Variants in WWTR1 observed in about 807,000 individuals in gnomAD.
WWTR1 encodes the protein WW domain-containing transcription regulator protein 1.
A neutral mutation model predicts 40.1 loss-of-function variants in WWTR1; 13 were observed. That is an observed-to-expected ratio of 0.32 (90% CI 0.21 to 0.52). The LOEUF (loss-of-function observed/expected upper bound fraction) is 0.52. Among genes scored for constraint, WWTR1 ranks in the 20% least tolerant of loss-of-function variants. The probability of loss-of-function intolerance (pLI) is 0.97; values close to 1 mark genes in which losing one functional copy is unlikely to be tolerated. For synonymous variants in WWTR1, 230 were observed against 210.1 expected (o/e 1.09, Z -0.82); for missense variants, 436 against 523.1 (o/e 0.83, Z 1.63).
At chr3:149,540,408 G>T (rs767849718) in intron 4 of WWTR1, 2 of 391,664 alleles carry the variant, frequency 5.1e-6, no homozygotes, top group Admixed American at 3.1e-5. Context: ...GAAAGAAGGA[G>T]GAGAAGCAAG....
Position 149,549,447 on chromosome 3 carries a change from C to T in WWTR1, c.569-6910G>A, listed in dbSNP as rs79656580. The stretch of plus-strand genomic sequence containing the variant: ...CAATAGAAAGGCATCTTACAAAATA[C>T]GAAAGCAACACTCCTTAAAACTATT... On this transcript the variant is annotated intron_variant, in intron 3 of 6. Coordinates refer to ENST00000360632, the MANE Select transcript of WWTR1 (RefSeq NM_015472.6). 3.9e-3 allele frequency among the ~76,000 whole-genome samples: 596 copies of T among 152,246 alleles called. 5 individuals are homozygous for T. The highest frequency in any genetic ancestry group is 0.014 in the African/African-American group (563 of 41,536).
At chr3:149,693,433 CT>C (rs1303235209) in intron 1 of WWTR1, among the ~76,000 whole-genome samples, 1 of 151,498 alleles carries the variant, frequency 6.6e-6, no homozygotes, top group African/African-American at 2.4e-5. Context: ...TTAATGAAAG[CT>C]TTATCAAAAT....
At chr3:149,603,556 C>T (rs111737492) in intron 2 of WWTR1, among the ~76,000 whole-genome samples, 3,240 of 149,576 alleles carry the variant, frequency 0.022, 138 homozygotes, top group African/African-American at 0.077. Flanking sequence ...CCCCACCCCC[C>T]CCTTGTACTC....
intron 2 of WWTR1, among the ~76,000 whole-genome samples, chr3:149,639,511 AC>A (rs1712029205): frequency 6.6e-6 from 1 of 152,120 alleles, no homozygotes; most frequent in African/African-American, 2.4e-5. Context: ...ACCTAAAGTT[AC>A]CTCTTCTATT....
At chr3:149,601,659 T>C (rs1739247818) in intron 2 of WWTR1, among the ~76,000 whole-genome samples, 1 of 152,084 alleles carries the variant, frequency 6.6e-6, no homozygotes, top group South Asian at 2.1e-4. Flanking sequence ...TTCTTCAACA[T>C]GTAAAGTCCT....
At chr3:149,656,802 C>A in intron 2 of WWTR1, 74 bp downstream of exon 2, 9 of 1,358,906 alleles carry the variant, frequency 6.6e-6, no homozygotes, top group Non-Finnish European at 8.8e-6. Context: ...CACACACACA[C>A]ACACACACAC....
intron 2 of WWTR1, among the ~76,000 whole-genome samples, chr3:149,601,600 A>G (rs1739243769): frequency 6.6e-6 from 1 of 152,124 alleles, no homozygotes; most frequent in Non-Finnish European, 1.5e-5. Context: ...ACTTCCTAAT[A>G]CTTCTCTAAA....
chr3:149,553,287 T>C (rs1049609356), intron 3 of WWTR1, among the ~76,000 whole-genome samples: 3 of 152,204 alleles, frequency 2.0e-5, no homozygotes, highest in Non-Finnish European at 4.4e-5. Context: ...CACCAATCAC[T>C]GCCCAATCCT....
At chr3:149,645,090 T>A (rs201236176) in intron 2 of WWTR1, among the ~76,000 whole-genome samples, 3 of 150,806 alleles carry the variant, frequency 2.0e-5, no homozygotes, top group Non-Finnish European at 2.9e-5. Context: ...ATTTATTTTT[T>A]TTTTTTTGAG....
intron 2 of WWTR1, among the ~76,000 whole-genome samples, chr3:149,584,623 A>T (rs1738324922): frequency 6.6e-6 from 1 of 152,206 alleles, no homozygotes; most frequent in African/African-American, 2.4e-5. Flanking sequence ...GGGACCTTGA[A>T]AATAATTATC....
At chr3:149,671,847 ATTTT>A (rs796315928) in intron 1 of WWTR1, among the ~76,000 whole-genome samples, 12 of 152,076 alleles carry the variant, frequency 7.9e-5, no homozygotes, top group African/African-American at 2.9e-4. Flanking sequence ...AATGTTTGTA[ATTTT>A]TTTATTTCCT....
intron 4 of WWTR1, among the ~76,000 whole-genome samples, chr3:149,718,605 A>G (rs1017397632): frequency 2.0e-5 from 3 of 152,204 alleles, no homozygotes; most frequent in Non-Finnish European, 4.4e-5. Context: ...TGCAAAATTG[A>G]AACTCTATGC....
chr3:149,530,938 CTT>C (rs753375505), intron 4 of WWTR1, among the ~76,000 whole-genome samples: 17 of 143,060 alleles, frequency 1.2e-4, no homozygotes, highest in East Asian at 2.0e-4. Context: ...GGAATGATTG[CTT>C]TTTTTTTTTT....
intron 6 of WWTR1, among the ~76,000 whole-genome samples, chr3:149,523,529 T>C (rs1001224985): frequency 1.3e-5 from 2 of 152,172 alleles, no homozygotes; most frequent in Non-Finnish European, 2.9e-5. Context: ...ATTACAGGTG[T>C]GAACCACCGT....
intron 2 of WWTR1, among the ~76,000 whole-genome samples, chr3:149,617,540 C>T (rs1458513425): frequency 1.3e-5 from 2 of 152,220 alleles, no homozygotes; most frequent in Admixed American, 1.3e-4. Flanking sequence ...TGGCTCATGC[C>T]TATAATCCCA....
intron 1 of WWTR1, among the ~76,000 whole-genome samples, chr3:149,700,672 T>C (rs532357933): frequency 2.0e-5 from 3 of 152,334 alleles, no homozygotes; most frequent in African/African-American, 4.8e-5. Flanking sequence ...TTAAAGTTCC[T>C]GGTACTCTAG....
At chr3:149,550,730 AC>A (rs1464197989) in intron 3 of WWTR1, among the ~76,000 whole-genome samples, 1 of 147,144 alleles carries the variant, frequency 6.8e-6, no homozygotes, top group Non-Finnish European at 1.5e-5. Flanking sequence ...ACAAAGCAAA[AC>A]AAAATACAGG....
intron 2 of WWTR1, among the ~76,000 whole-genome samples, chr3:149,667,849 G>A (rs551961867): frequency 6.6e-6 from 1 of 152,144 alleles, no homozygotes; most frequent in Non-Finnish European, 1.5e-5. Context: ...CCTCCTACCT[G>A]CCATCTGTTT....
intron 2 of WWTR1, among the ~76,000 whole-genome samples, chr3:149,615,692 C>A (rs965589579): frequency 6.6e-6 from 1 of 152,110 alleles, no homozygotes; most frequent in African/African-American, 2.4e-5. Flanking sequence ...TTGAGACATG[C>A]CTGTTCAGTT....
Sources: gnomAD v4.1 joint callset for allele counts (sites outside exome capture counted in the v4.1 genomes callset) on GRCh38, gnomAD v4.1.1 for gene constraint, MANE v1.5 for transcripts, NCBI Gene and HGNC (gene_info 2026-07-23, HGNC 2026-07-21) for gene names.